The following PDLIM5 variants were observed in gnomAD, a reference collection of about 807,000 sequenced individuals.
The protein encoded by PDLIM5 is PDZ and LIM domain 5, also known as PDZ and LIM domain protein 5.
In PDLIM5, 34 loss-of-function variants were observed where a neutral mutation model predicts 64.2. The observed-to-expected ratio is 0.53, with a 90% CI of 0.40 to 0.71. PDLIM5 has a LOEUF of 0.71. PDLIM5 is among the 30% of genes least tolerant of loss of function. The pLI is 0.00. For missense variants in PDLIM5, 683 were observed against 733.6 expected (o/e 0.93, Z 0.80); for synonymous variants, 253 against 269.1 (o/e 0.94, Z 0.59).
At position 94,558,015 on chromosome 4, in the gene PDLIM5, C is replaced by A. The variant is rs555183536; in HGVS notation, c.249-15336C>A. On this transcript the variant is annotated intron_variant, in intron 3 of 12. Coordinates refer to ENST00000317968, the MANE Select transcript of PDLIM5 (RefSeq NM_006457.5). ...TCAAAGGGAATGCTTCCAGTTTTTG[C>A]CCATTCAGTATGATATTGGCTGTGA... Among the ~76,000 whole-genome samples the A allele has an allele frequency of 3.6e-4, 55 of 152,256 alleles. 1 individual carries two copies. In the South Asian group the frequency reaches 0.011, roughly 29 times the overall value.
intron 11 of PDLIM5, among the ~76,000 whole-genome samples, chr4:94,659,023 A>G (rs558389055): frequency 6.6e-6 from 1 of 152,232 alleles, no homozygotes; most frequent in East Asian, 1.9e-4. Flanking sequence ...CTTAATACCT[A>G]TATTTAATGT....
At chr4:94,550,025 C>A (rs1215932620) in intron 3 of PDLIM5, 1 of 151,996 alleles carries the variant, frequency 6.6e-6, no homozygotes, top group African/African-American at 2.4e-5. Context: ...TTATATAGTT[C>A]CTTACATAAG....
At position 94,562,769 on chromosome 4, in the gene PDLIM5, T is replaced by C. The variant is rs558389443; in HGVS notation, c.249-10582T>C. On this transcript the variant is annotated intron_variant, in intron 3 of 12. Coordinates refer to ENST00000317968, the MANE Select transcript of PDLIM5 (RefSeq NM_006457.5). ...GAGGGTGCATTAATTCTCTTGGGAA[T>C]TTAAGAAGCTTACCTTTTGGTAAAT... Among the ~76,000 whole-genome samples the C allele has an allele frequency of 3.9e-5, 6 of 152,310 alleles. No homozygotes were observed. In the South Asian group the frequency reaches 1.0e-3, roughly 26 times the overall value.
chr4:94,654,739 G>T, intron 10 of PDLIM5, 99 bp downstream of exon 10: 1 of 753,784 alleles, frequency 1.3e-6, no homozygotes, highest in South Asian at 1.9e-5. Flanking sequence ...TTTTCTTCTT[G>T]CTTTATGCCC....
At chr4:94,555,912 T>C (rs1286495263) in intron 3 of PDLIM5, among the ~76,000 whole-genome samples, 12 of 151,424 alleles carry the variant, frequency 7.9e-5, no homozygotes, top group Non-Finnish European at 1.5e-4. Context: ...TTTATATATA[T>C]ATTTTTATTA....
chr4:94,663,959 A>T lies in PDLIM5; in HGVS notation c.1702-19A>T, dbSNP rs542974071. 3.1e-6 allele frequency: 5 copies of T among 1,592,346 alleles called. No individual in the cohort carries two copies. In the South Asian group the frequency reaches 5.6e-5, roughly 18 times the overall value. ...ATATCCTCTTAAATAATATCTCTTAAATGCTGCTTCTTTTTCAGGTGTGTT... is the reference window on the plus strand; with the variant it reads ...ATATCCTCTTAAATAATATCTCTTATATGCTGCTTCTTTTTCAGGTGTGTT... On this transcript the variant is annotated intron_variant, in intron 12 of 12. Coordinates refer to ENST00000317968, the MANE Select transcript of PDLIM5 (RefSeq NM_006457.5).
chr4:94,565,144 T>A (rs1734206069), intron 3 of PDLIM5, among the ~76,000 whole-genome samples: 2 of 152,226 alleles, frequency 1.3e-5, no homozygotes. Context: ...TTGGGAATGA[T>A]AAGTTGATTG....
At chr4:94,594,338 A>G (rs1401694070) in intron 7 of PDLIM5, among the ~76,000 whole-genome samples, 1 of 152,122 alleles carries the variant, frequency 6.6e-6, no homozygotes, top group African/African-American at 2.4e-5. Context: ...TCCCATGAGG[A>G]GAGAATAACA....
intron 3 of PDLIM5, among the ~76,000 whole-genome samples, chr4:94,552,750 C>A (rs1170992136): frequency 1.3e-5 from 2 of 151,802 alleles, no homozygotes; most frequent in African/African-American, 4.8e-5. Context: ...ATCTTTTCCC[C>A]TTAGATTTTG....
At chr4:94,658,994 A>G (rs1742435996) in intron 11 of PDLIM5, among the ~76,000 whole-genome samples, 1 of 152,254 alleles carries the variant, frequency 6.6e-6, no homozygotes, top group African/African-American at 2.4e-5. Flanking sequence ...TCTAGCCAAA[A>G]CACATAAAAC....
chr4:94,521,896 T>C (rs1729863187), intron 2 of PDLIM5, among the ~76,000 whole-genome samples: 1 of 152,162 alleles, frequency 6.6e-6, no homozygotes, highest in Non-Finnish European at 1.5e-5. Flanking sequence ...AAATCTAGGA[T>C]GACTTATGTT....
At chr4:94,618,336 G>A (rs1578480603) in intron 8 of PDLIM5, 145 bp downstream of exon 8, 1 of 484,226 alleles carries the variant, frequency 2.1e-6, no homozygotes, top group African/African-American at 2.0e-5. Flanking sequence ...TTAAACTATA[G>A]CTATTTTTCT....
At chr4:94,460,982 A>G (rs1284877874) in intron 2 of PDLIM5, among the ~76,000 whole-genome samples, 3 of 152,238 alleles carry the variant, frequency 2.0e-5, no homozygotes, top group Non-Finnish European at 4.4e-5. Context: ...TAGTCACACT[A>G]CATGTGAATA....
chr4:94,505,394 G>T (rs903999427), intron 2 of PDLIM5, among the ~76,000 whole-genome samples: 1 of 152,166 alleles, frequency 6.6e-6, no homozygotes, highest in African/African-American at 2.4e-5. Flanking sequence ...GAGTAGCTGG[G>T]ATTACAGTTG....
chr4:94,493,215 T>C (rs1727027973), intron 2 of PDLIM5, among the ~76,000 whole-genome samples: 1 of 152,216 alleles, frequency 6.6e-6, no homozygotes. Flanking sequence ...ATTTTTCTAT[T>C]ATAGAGTAGT....
At chr4:94,452,690 G>GT (rs1722965327) in intron 1 of PDLIM5, among the ~76,000 whole-genome samples, 1 of 152,294 alleles carries the variant, frequency 6.6e-6, no homozygotes, top group African/African-American at 2.4e-5. Flanking sequence ...GGAAGGGCGT[G>GT]TGGACAGGGC....
intron 2 of PDLIM5, among the ~76,000 whole-genome samples, chr4:94,501,947 A>G (rs1476424470): frequency 6.6e-6 from 1 of 152,214 alleles, no homozygotes; most frequent in African/African-American, 2.4e-5. Flanking sequence ...TTATGGAGTA[A>G]GGTTCAGTAG....
intron 9 of PDLIM5, among the ~76,000 whole-genome samples, chr4:94,649,191 G>A (rs1472870687): frequency 6.6e-6 from 1 of 151,984 alleles, no homozygotes; most frequent in Admixed American, 6.6e-5. Flanking sequence ...GGCCAGGCTG[G>A]TCTCGAACTC....
At chr4:94,584,107 C>T (rs1735966622) in intron 5 of PDLIM5, among the ~76,000 whole-genome samples, 2 of 152,164 alleles carry the variant, frequency 1.3e-5, no homozygotes, top group East Asian at 1.9e-4. Flanking sequence ...GTGTGGCCTG[C>T]GGATAGCACT....
Sources: allele counts gnomAD v4.1 joint callset (sites outside exome capture counted in the v4.1 genomes callset), GRCh38; gene constraint gnomAD v4.1.1; transcripts MANE v1.5; gene names NCBI Gene and HGNC (gene_info 2026-07-23, HGNC 2026-07-21).